Variants in PKD2 observed in about 807,000 individuals in gnomAD.
The protein encoded by PKD2 is polycystin-2.
Under a neutral mutation model 105.9 loss-of-function variants are expected in PKD2, and 48 were observed. That is an observed-to-expected ratio of 0.45 (90% CI 0.36 to 0.58). The LOEUF (loss-of-function observed/expected upper bound fraction) is 0.58. Ranked by LOEUF, PKD2 falls within the 20% of genes least tolerant of loss-of-function variation. The pLI is 0.00. For synonymous variants in PKD2, 464 were observed against 481.1 expected, an observed-to-expected ratio of 0.96 and a Z score of 0.46; for missense variants, 1,078 against 1,255.3, an observed-to-expected ratio of 0.86 and a Z score of 2.13.
At chr4:88,051,868 G>T in intron 6 of PKD2, 123 bp from the exon 7 acceptor site, 1 of 611,798 alleles carries the variant, frequency 1.6e-6, no homozygotes. Flanking sequence ...GAATGACATC[G>T]GGTAAGTATA....
At chr4:88,068,280 C>G (rs1299542985) in intron 13 of PKD2, among the ~76,000 whole-genome samples, 1 of 152,014 alleles carries the variant, frequency 6.6e-6, no homozygotes, top group Non-Finnish European at 1.5e-5. Context: ...ACGAGCCTGG[C>G]CAACATAGTG....
intron 9 of PKD2, among the ~76,000 whole-genome samples, 158 bp from the exon 10 acceptor site, chr4:88,061,748 A>AT (rs200078408): frequency 6.8e-6 from 1 of 147,184 alleles, no homozygotes; most frequent in Non-Finnish European, 1.5e-5. Flanking sequence ...AAAAAAAAAA[A>AT]TTTTTTTTTA....
At chr4:88,017,210 G>A (rs1726589786) in intron 1 of PKD2, among the ~76,000 whole-genome samples, 1 of 152,022 alleles carries the variant, frequency 6.6e-6, no homozygotes, top group Non-Finnish European at 1.5e-5. Context: ...AGGAGATCAA[G>A]CCTTCAGTGA....
chr4:88,026,746 T>C (rs1560601949), intron 2 of PKD2, among the ~76,000 whole-genome samples: 1 of 152,202 alleles, frequency 6.6e-6, no homozygotes, highest in Non-Finnish European at 1.5e-5. Flanking sequence ...AAAAATGGTG[T>C]GAGCCAGGCC....
chr4:88,017,230 G>A lies in PKD2; in HGVS notation c.596-2228G>A, dbSNP rs182450328. ...ATCAAGCCTTCAGTGAGCTGTGATCGTACCACTACACTCCAGGCTGGGTAA... is the reference window on the plus strand; with the variant it reads ...ATCAAGCCTTCAGTGAGCTGTGATCATACCACTACACTCCAGGCTGGGTAA... On this transcript the variant is annotated intron_variant, in intron 1 of 14. Coordinates refer to ENST00000237596, the MANE Select transcript of PKD2 (RefSeq NM_000297.4). 5.3e-5 allele frequency among the ~76,000 whole-genome samples: 8 copies of A among 152,106 alleles called. No individual in the cohort carries two copies. The East Asian group carries it at 5.8e-4, about 11-fold the overall frequency.
intron 3 of PKD2, among the ~76,000 whole-genome samples, chr4:88,037,015 G>A (rs1727357704): frequency 6.6e-6 from 1 of 152,140 alleles, no homozygotes; most frequent in African/African-American, 2.4e-5. Flanking sequence ...GATTGCTTTA[G>A]CCCAGGATTT....
intron 9 of PKD2, among the ~76,000 whole-genome samples, chr4:88,060,828 C>T (rs1720545721): frequency 6.6e-6 from 1 of 152,186 alleles, no homozygotes; most frequent in South Asian, 2.1e-4. Context: ...CACTTACCTG[C>T]ATCAGGACCT....
At chr4:88,073,646 C>T (rs1043227943) in intron 13 of PKD2, among the ~76,000 whole-genome samples, 3 of 152,152 alleles carry the variant, frequency 2.0e-5, no homozygotes, top group Non-Finnish European at 4.4e-5. Context: ...CTCTTAGCTG[C>T]ACCCATGTGA....
intron 6 of PKD2, among the ~76,000 whole-genome samples, chr4:88,051,533 T>C (rs1578138882): frequency 6.6e-6 from 1 of 152,178 alleles, no homozygotes; most frequent in East Asian, 1.9e-4. Context: ...TGGCTGGCAA[T>C]TGGAGAATGC....
chr4:88,052,101 T>C lies in PKD2; in HGVS notation c.1659T>C (p.Tyr553=). 6.2e-7 allele frequency: 1 copy of C among 1,606,752 alleles called. No individual in the cohort carries two copies. Among genetic ancestry groups the C allele is most frequent in the Non-Finnish European group, 8.5e-7 (1 of 1,173,410 alleles). The change falls in exon 7 of 15, where the codon TAT becomes TAC. Residue 553 remains tyrosine, a synonymous_variant. Transcript: ENST00000237596. The stretch of plus-strand genomic sequence containing the variant: ...TCCCCAACTTTGAGCATCTGGCATA[T>C]TGGCAGATACAGTTCAACAATATAG... ...NTFPNFEHLA[Y]WQIQFNNIAA...
At chr4:88,045,105 C>T (rs1727718328) in intron 5 of PKD2, among the ~76,000 whole-genome samples, 2 of 152,248 alleles carry the variant, frequency 1.3e-5, no homozygotes, top group Admixed American at 1.3e-4. Flanking sequence ...ATTTCTTCTG[C>T]TTCCTCCCTT....
chr4:88,008,066 G>C lies in PKD2; in HGVS notation c.333G>C (p.Val111=). ...EEVEGEEGGM[V]VEMDVEWRPG... The stretch of plus-strand genomic sequence containing the variant: ...TGGAAGGGGAAGAAGGCGGAATGGT[G>C]GTGGAGATGGACGTAGAGTGGCGCC... The change falls in exon 1 of 15, where the codon GTG becomes GTC. Residue 111 remains valine, a synonymous_variant. Coordinates refer to ENST00000237596, the MANE Select transcript of PKD2 (RefSeq NM_000297.4). 6.6e-7 allele frequency: 1 copy of C among 1,522,434 alleles called. No individual in the cohort carries two copies. The highest frequency in any genetic ancestry group is 8.8e-7 in the Non-Finnish European group (1 of 1,140,132). The allele number at this position is 1,522,434 out of a possible 1,614,324, so 94.3% of individuals were successfully genotyped here.
chr4:88,033,368 A>G (rs917529072), intron 2 of PKD2, among the ~76,000 whole-genome samples: 2 of 151,758 alleles, frequency 1.3e-5, no homozygotes, highest in Non-Finnish European at 2.9e-5. Flanking sequence ...TTGAAGCTGC[A>G]GTGAGCTGAG....
intron 1 of PKD2, among the ~76,000 whole-genome samples, chr4:88,017,574 T>G (rs984235852): frequency 6.6e-6 from 1 of 152,074 alleles, no homozygotes; most frequent in Non-Finnish European, 1.5e-5. Context: ...CACACCTGGC[T>G]AAGTTTTGTA....
Position 88,007,775 on chromosome 4 carries a change from C to A in PKD2, c.42C>A (p.Asp14Glu). The change falls in exon 1 of 15, where the codon GAC becomes GAA. Residue 14 changes from aspartate (D) to glutamate (E), a missense_variant. Coordinates refer to ENST00000237596, the MANE Select transcript of PKD2 (RefSeq NM_000297.4). ...SSRVQPQQPG[D>E]AKRPPAPRAP... ...GCGTGCAGCCTCAGCAGCCCGGGGACGCCAAGCGGCCGCCCGCGCCCCGCG... is the reference window on the plus strand; with the variant it reads ...GCGTGCAGCCTCAGCAGCCCGGGGAAGCCAAGCGGCCGCCCGCGCCCCGCG... The A allele has an allele frequency of 7.7e-6, 9 of 1,173,926 alleles. No individual in the cohort carries two copies. The highest frequency in any genetic ancestry group is 8.5e-6 in the Non-Finnish European group (8 of 942,970). The allele number at this position is 1,173,926 out of a possible 1,614,324, so 72.7% of individuals were successfully genotyped here.
chr4:88,008,010 G>A lies in PKD2; in HGVS notation c.277G>A (p.Gly93Ser). The A allele has an allele frequency of 6.6e-7, 1 of 1,519,954 alleles. No individual in the cohort carries two copies. Among genetic ancestry groups the A allele is most frequent in the South Asian group, 1.2e-5 (1 of 82,350 alleles). 94.2% of individuals were successfully genotyped at this position (1,519,954 alleles called of 1,614,324 possible). The change falls in exon 1 of 15, where the codon GGC becomes AGC. Residue 93 changes from glycine (G) to serine (S), a missense_variant. Transcript: ENST00000237596. ...SRQAWSRDNP[G>S]FEAEEEEEEV... Reference sequence around the variant, plus strand: ...GCAGGCGTGGAGCCGCGATAACCCCGGCTTCGAGGCCGAGGAGGAGGAGGA... The same window carrying A: ...GCAGGCGTGGAGCCGCGATAACCCCAGCTTCGAGGCCGAGGAGGAGGAGGA...
rs1232684620 is a variant in PKD2 at position 88,046,922 on chromosome 4, A to T, written c.1548+52A>T. ...CCTATTCTATTCTACAAGCATGTTAACTAGAGTCTTTGATCTCCTCAGCAT... is the reference window on the plus strand; with the variant it reads ...CCTATTCTATTCTACAAGCATGTTATCTAGAGTCTTTGATCTCCTCAGCAT... On this transcript the variant is annotated intron_variant, in intron 6 of 14. Transcript: ENST00000237596. 2.9e-6 allele frequency: 3 copies of T among 1,045,748 alleles called. No individual in the cohort carries two copies. In the South Asian group the frequency reaches 3.8e-5, roughly 13 times the overall value. 64.8% of individuals were successfully genotyped at this position (1,045,748 alleles called of 1,614,324 possible).
At chr4:88,025,186 A>G (rs554138759) in intron 2 of PKD2, among the ~76,000 whole-genome samples, 2 of 152,244 alleles carry the variant, frequency 1.3e-5, no homozygotes, top group East Asian at 3.9e-4. Context: ...GGGCAGGCAC[A>G]GTGGCTCATG....
rs140071003 is a variant in PKD2, at chr4:88,024,221, C to T, written c.709+4650C>T. 2.4e-3 allele frequency among the ~76,000 whole-genome samples: 371 copies of T among 151,862 alleles called. 3 individuals are homozygous for T. Among genetic ancestry groups the T allele is most frequent in the African/African-American group, 8.6e-3 (356 of 41,434 alleles). On this transcript the variant is annotated intron_variant, in intron 2 of 14. Transcript: ENST00000237596. ...CCTGTAATCTCAGCACTTTGGGAGG[C>T]CGAGGCAGGCAGATCACTTGAGGTC... is the stretch of plus-strand genomic sequence containing the variant.
Sources: allele counts gnomAD v4.1 joint callset (sites outside exome capture counted in the v4.1 genomes callset), GRCh38; gene constraint gnomAD v4.1.1; transcripts MANE v1.5; gene names NCBI Gene and HGNC (gene_info 2026-07-23, HGNC 2026-07-21).